The following HMGB1 variants were observed in gnomAD, a reference collection of about 807,000 sequenced individuals.
The protein encoded by HMGB1 is high mobility group protein B1.
For missense variants in HMGB1, 79 were observed against 253.5 expected (o/e 0.31, Z 4.67); for synonymous variants, 81 against 84.0 (o/e 0.96, Z 0.19).
intron 1 of HMGB1, among the ~76,000 whole-genome samples, chr13:30,488,205 T>C (rs1032226434): frequency 6.6e-6 from 1 of 152,196 alleles, no homozygotes; most frequent in African/African-American, 2.4e-5. Flanking sequence ...ATATACTAAA[T>C]AGCGTGTAAA....
At chr13:30,511,829 C>T (rs1887998096) in intron 1 of HMGB1, among the ~76,000 whole-genome samples, 1 of 152,192 alleles carries the variant, frequency 6.6e-6, no homozygotes, top group Non-Finnish European at 1.5e-5. Context: ...CCCAAACACA[C>T]ACCTCTAGAG....
intron 1 of HMGB1, among the ~76,000 whole-genome samples, chr13:30,511,997 A>T (rs1888002619): frequency 6.6e-6 from 1 of 152,110 alleles, no homozygotes; most frequent in South Asian, 2.1e-4. Flanking sequence ...CCTGAGATGC[A>T]CCTGATTAAA....
chr13:30,558,504 A>G (rs1384492986), intron 1 of HMGB1, among the ~76,000 whole-genome samples: 1 of 152,220 alleles, frequency 6.6e-6, no homozygotes, highest in African/African-American at 2.4e-5. Flanking sequence ...GTCATGTAAA[A>G]AAAGATTTTT....
At chr13:30,481,701 T>C (rs1887231819) in intron 1 of HMGB1, among the ~76,000 whole-genome samples, 1 of 152,226 alleles carries the variant, frequency 6.6e-6, no homozygotes. Context: ...GGCTCCACTC[T>C]TGAAGCGTGC....
intron 3 of HMGB1, 137 bp from the exon 4 acceptor site, chr13:30,462,849 T>C: frequency 1.5e-6 from 1 of 688,762 alleles, no homozygotes; most frequent in East Asian, 2.7e-5. Flanking sequence ...TACTATAATA[T>C]ACTAAATATC....
At position 30,559,799 on chromosome 13, in the gene HMGB1, T is replaced by C. The variant is rs890558250; in HGVS notation, c.-15+56872A>G. On this transcript the variant is annotated intron_variant, in intron 1 of 4. Transcript: ENST00000405805. This position sits in a 1 kb window ranked among gnomAD's most constrained non-coding sequence, Gnocchi z 6.6. ...TTTATATTAAAAGGATAAAAATATC[T>C]ACACTTGGAAACAGCAGATTGTGAA... Among the ~76,000 whole-genome samples the C allele has an allele frequency of 3.3e-5, 5 of 152,192 alleles. No individual in the cohort carries two copies. Among genetic ancestry groups the C allele is most frequent in the African/African-American group, 1.2e-4 (5 of 41,452 alleles).
chr13:30,462,874 C>T (rs537500897), intron 3 of HMGB1, among the ~76,000 whole-genome samples, 162 bp from the exon 4 acceptor site: 22 of 152,268 alleles, frequency 1.4e-4, no homozygotes, highest in African/African-American at 5.3e-4. Context: ...ACAACCAAAG[C>T]TTAATTTACA....
rs1298691019 is a variant in HMGB1, at chr13:30,460,141, T to C, written c.*1216A>G. The C allele has an allele frequency of 6.7e-6, 1 of 150,086 alleles. No individual in the cohort carries two copies. The highest frequency in any genetic ancestry group is 1.5e-5 in the Non-Finnish European group (1 of 67,934). The allele number at this position is 150,086 out of a possible 1,614,324, so 9.3% of individuals were successfully genotyped here. ...AGTTTGTTTTGTAAAGAAAAATCATTCAAATAAATTGAATAATTCATACTG... is the reference window on the plus strand; with the variant it reads ...AGTTTGTTTTGTAAAGAAAAATCATCCAAATAAATTGAATAATTCATACTG... On this transcript the variant is annotated 3_prime_UTR_variant, in exon 5 of 5. Coordinates refer to ENST00000341423, the MANE Select transcript of HMGB1 (RefSeq NM_002128.7).
chr13:30,599,895 C>T (rs1430397060), intron 1 of HMGB1, among the ~76,000 whole-genome samples: 2 of 152,198 alleles, frequency 1.3e-5, no homozygotes, highest in African/African-American at 2.4e-5. Context: ...AATTTGTCAA[C>T]ACTACAGTTA....
At chr13:30,470,850 T>C (rs1886906184), upstream of HMGB1, among the ~76,000 whole-genome samples, 3 of 152,118 alleles carry the variant, frequency 2.0e-5, no homozygotes, top group African/African-American at 7.2e-5. Flanking sequence ...GGTTTCACCA[T>C]GTTGGCCAGG....
intron 1 of HMGB1, among the ~76,000 whole-genome samples, chr13:30,472,665 T>C (rs1444429382): frequency 6.6e-6 from 1 of 152,114 alleles, no homozygotes; most frequent in East Asian, 1.9e-4. Context: ...GAGCTGTAAG[T>C]TTTTCATTGG....
chr13:30,481,536 G>A (rs192021862), intron 1 of HMGB1, among the ~76,000 whole-genome samples: 7 of 152,326 alleles, frequency 4.6e-5, no homozygotes, highest in East Asian at 3.9e-4. Flanking sequence ...GACCCAAGGC[G>A]GAGGCCTGGC....
chr13:30,550,202 G>A (rs948636642), intron 1 of HMGB1, among the ~76,000 whole-genome samples: 2 of 151,926 alleles, frequency 1.3e-5, no homozygotes, highest in African/African-American at 4.9e-5. Flanking sequence ...ATGACTATCA[G>A]GAGCTATGAC....
At chr13:30,492,450 A>G (rs946978026) in intron 1 of HMGB1, among the ~76,000 whole-genome samples, 2 of 152,202 alleles carry the variant, frequency 1.3e-5, no homozygotes, top group African/African-American at 4.8e-5. Flanking sequence ...TCAGTAAGAA[A>G]GCAATGCAAT....
At chr13:30,479,363 T>C (rs1327368821) in intron 1 of HMGB1, among the ~76,000 whole-genome samples, 1 of 152,136 alleles carries the variant, frequency 6.6e-6, no homozygotes, top group Non-Finnish European at 1.5e-5. Flanking sequence ...GACTTCAGAC[T>C]CCTATTCCCA....
Position 30,461,372 on chromosome 13 carries a change from A to T in HMGB1, c.633T>A (p.Asp211Glu), listed in dbSNP as rs374176160. Reference sequence around the variant, plus strand: ...TAGAACCAACTTATTCATCATCATCATCTTCTTCTTCATCTTCATCTTCTT... The same window carrying T: ...TAGAACCAACTTATTCATCATCATCTTCTTCTTCTTCATCTTCATCTTCTT... ...EDEEDEDEEEDDDDE is the reference protein window; with the variant it reads ...EDEEDEDEEEEDDDE The change falls in exon 5 of 5, where the codon GAT (aspartate) becomes GAA (glutamate). Residue 211 changes from aspartate to glutamate, a missense_variant. Coordinates refer to ENST00000341423, the MANE Select transcript of HMGB1 (RefSeq NM_002128.7). The T allele has an allele frequency of 1.1e-4, 165 of 1,558,372 alleles. No individual in the cohort carries two copies. The highest frequency in any genetic ancestry group is 1.3e-4 in the Non-Finnish European group (150 of 1,159,260).
chr13:30,463,739 CAT>C (rs1886508572), intron 1 of HMGB1, 45 bp from the exon 2 acceptor site: 4 of 1,261,910 alleles, frequency 3.2e-6, no homozygotes. Context: ...AAAATTATGA[CAT>C]ATAAGACCTT....
intron 1 of HMGB1, among the ~76,000 whole-genome samples, chr13:30,478,897 C>G (rs1887164212): frequency 7.0e-6 from 1 of 143,032 alleles, no homozygotes. Flanking sequence ...GAGACAGAGT[C>G]TCCCTCTGTC....
chr13:30,551,034 C>A (rs1869402904), intron 1 of HMGB1, among the ~76,000 whole-genome samples: 1 of 152,088 alleles, frequency 6.6e-6, no homozygotes, highest in South Asian at 2.1e-4. Flanking sequence ...AATGCTTAGC[C>A]CTCAGGGAGA....
Sources: allele counts gnomAD v4.1 joint callset (sites outside exome capture counted in the v4.1 genomes callset), GRCh38; gene constraint gnomAD v4.1.1; non-coding constraint Gnocchi (gnomAD v3.1); transcripts MANE v1.5; gene names NCBI Gene and HGNC (gene_info 2026-07-23, HGNC 2026-07-21).